BMPR1A: variants seen among roughly 807,000 people sequenced by gnomAD.
BMPR1A encodes the protein bone morphogenetic protein receptor type 1A, also known as bone morphogenetic protein receptor type-1A.
Under a neutral mutation model 66.0 loss-of-function variants are expected in BMPR1A, and 7 were observed. The ratio of observed to expected loss-of-function variants is 0.11; its 90% confidence interval spans 0.06 to 0.20. The LOEUF is 0.20. Among genes scored for constraint, BMPR1A ranks in the 10% least tolerant of loss-of-function variants. The probability of loss-of-function intolerance (pLI) is 1.00; values close to 1 mark genes in which losing one functional copy is unlikely to be tolerated. For synonymous variants in BMPR1A, 200 were observed against 229.7 expected, an observed-to-expected ratio of 0.87 and a Z score of 1.17; for missense variants, 408 against 669.1, an observed-to-expected ratio of 0.61 and a Z score of 4.31.
At position 86,833,497 on chromosome 10, in the gene BMPR1A, T is replaced by C. The variant is rs184890098; in HGVS notation, c.-267-5368T>C. Among the ~76,000 whole-genome samples, 36 of 152,262 alleles carry C rather than the reference T, an allele frequency of 2.4e-4. No individual in the cohort carries two copies. In the East Asian group the frequency reaches 5.8e-3, roughly 24 times the overall value. The stretch of plus-strand genomic sequence containing the variant: ...AGCATTTAGTAACTCCTGAGTATAA[T>C]AGATGAAGCAGAGGGAGGTGGGGCT... On this transcript the variant is annotated intron_variant, in intron 1 of 12. Coordinates refer to ENST00000372037, the MANE Select transcript of BMPR1A (RefSeq NM_004329.3).
At chr10:86,821,305 A>G (rs1842117035) in intron 1 of BMPR1A, among the ~76,000 whole-genome samples, 1 of 152,214 alleles carries the variant, frequency 6.6e-6, no homozygotes, top group Admixed American at 6.5e-5. Flanking sequence ...GGTTGCTGTA[A>G]GTATTAAGTG....
At chr10:86,913,180 A>C (rs1432206327) in intron 8 of BMPR1A, among the ~76,000 whole-genome samples, 1 of 152,008 alleles carries the variant, frequency 6.6e-6, no homozygotes, top group Non-Finnish European at 1.5e-5. Context: ...GCTGGAGTGC[A>C]GTGGCCCAGT....
At chr10:86,866,893 C>T (rs1375227568) in intron 2 of BMPR1A, among the ~76,000 whole-genome samples, 1 of 152,138 alleles carries the variant, frequency 6.6e-6, no homozygotes, top group Non-Finnish European at 1.5e-5. Context: ...TTGAACCTAT[C>T]TTTTCTCTGT....
chr10:86,911,748 T>C (rs1843489381), intron 7 of BMPR1A, among the ~76,000 whole-genome samples: 1 of 151,458 alleles, frequency 6.6e-6, no homozygotes, highest in Non-Finnish European at 1.5e-5. Context: ...AGATTCTATC[T>C]CAAAAAATAA....
chr10:86,848,931 A>G (rs568405825), intron 2 of BMPR1A, among the ~76,000 whole-genome samples: 12 of 152,084 alleles, frequency 7.9e-5, no homozygotes, highest in Non-Finnish European at 1.8e-4. Flanking sequence ...CCCTATTCTC[A>G]TTGCCTCTTG....
chr10:86,814,216 C>T (rs1842005521), intron 1 of BMPR1A, among the ~76,000 whole-genome samples: 1 of 152,082 alleles, frequency 6.6e-6, no homozygotes, highest in South Asian at 2.1e-4. Flanking sequence ...TCCAGGCTGG[C>T]CTCTAATTCC....
chr10:86,930,587 C>T (rs1189585441), downstream of BMPR1A: 6 of 152,226 alleles, frequency 3.9e-5, no homozygotes, highest in Admixed American at 3.9e-4. Context: ...CCATAATCTC[C>T]TTTTGACATA....
intron 1 of BMPR1A, among the ~76,000 whole-genome samples, chr10:86,787,284 T>G (rs1047191230): frequency 1.3e-5 from 2 of 152,208 alleles, no homozygotes; most frequent in African/African-American, 2.4e-5. Flanking sequence ...TAATTACTGT[T>G]TGGATACTTG....
intron 7 of BMPR1A, 37 bp downstream of exon 7, chr10:86,900,163 C>A: frequency 6.3e-7 from 1 of 1,590,576 alleles, no homozygotes; most frequent in South Asian, 1.1e-5. Flanking sequence ...AATATTTTGT[C>A]AAATATTAGA....
rs911821890 is a variant in BMPR1A, at chr10:86,855,971, G to T, written c.-153+16992G>T. ...GCATAACTATTTCTTTTCCAGAATG[G>T]CCACTTTGCCCTTCCTTTAGCAGTT... On this transcript the variant is annotated intron_variant, in intron 2 of 12. Transcript: ENST00000372037. 34 of 622,500 alleles carry T rather than the reference G, an allele frequency of 5.5e-5. No individual in the cohort carries two copies. In the African/African-American group the frequency reaches 6.1e-4, roughly 11 times the overall value. 38.6% of individuals were successfully genotyped at this position (622,500 alleles called of 1,614,324 possible). A position where few individuals can be genotyped will look rare whatever the true frequency, so the allele number is the denominator to read the frequency against.
chr10:86,820,188 TTA>T (rs371960313), intron 1 of BMPR1A, among the ~76,000 whole-genome samples: 1 of 152,036 alleles, frequency 6.6e-6, no homozygotes, highest in African/African-American at 2.4e-5. Flanking sequence ...GACTACAGGA[TTA>T]TGCCCCCATG....
rs547039886 is a variant in BMPR1A at position 86,891,995 on chromosome 10, T to C, written c.231-132T>C. On this transcript the variant is annotated intron_variant, in intron 4 of 12. Transcript: ENST00000372037. ...CCTCTGGCGTTGCCAATAAATCACG[T>C]GTGAATGCAATTCTAAGTCACAAAA... is the stretch of plus-strand genomic sequence containing the variant. 1.5e-5 allele frequency: 11 copies of C among 718,438 alleles called. No individual in the cohort carries two copies. In the East Asian group the frequency reaches 3.1e-4, roughly 20 times the overall value. The allele number at this position is 718,438 out of a possible 1,614,324, so 44.5% of individuals were successfully genotyped here.
At chr10:86,792,639 A>G (rs747431760) in intron 1 of BMPR1A, among the ~76,000 whole-genome samples, 2 of 152,164 alleles carry the variant, frequency 1.3e-5, no homozygotes, top group East Asian at 1.9e-4. Flanking sequence ...CTATAAAACA[A>G]ACAAACAAAC....
intron 5 of BMPR1A, among the ~76,000 whole-genome samples, chr10:86,894,848 C>CA (rs1231312802): frequency 6.6e-6 from 1 of 152,204 alleles, no homozygotes; most frequent in Non-Finnish European, 1.5e-5. Flanking sequence ...TGGGTACACT[C>CA]AGACTGTGTT....
At chr10:86,850,453 C>T (rs1842551710) in intron 2 of BMPR1A, among the ~76,000 whole-genome samples, 1 of 152,046 alleles carries the variant, frequency 6.6e-6, no homozygotes, top group South Asian at 2.1e-4. Flanking sequence ...CGCATGTCAC[C>T]TGGGGGTCTT....
In BMPR1A at chr10:86,927,013, T is replaced by C. The variant is rs1843756347; in HGVS notation, c.*3294T>C. On this transcript the variant is annotated 3_prime_UTR_variant, in exon 13 of 13. Coordinates refer to ENST00000372037, the MANE Select transcript of BMPR1A (RefSeq NM_004329.3). ...TTTGGAAATATTTTCACAAAAGTTATTTTAATCAGTATTTTTACATTGCCT... is the reference window on the plus strand; with the variant it reads ...TTTGGAAATATTTTCACAAAAGTTACTTTAATCAGTATTTTTACATTGCCT... 5.3e-6 allele frequency: 1 copy of C among 187,470 alleles called. No homozygotes were observed. Among genetic ancestry groups the C allele is most frequent in the Non-Finnish European group, 1.1e-5 (1 of 88,966 alleles). The allele number at this position is 187,470 out of a possible 1,614,324, so 11.6% of individuals were successfully genotyped here.
At chr10:86,903,704 C>G (rs1478394166) in intron 7 of BMPR1A, among the ~76,000 whole-genome samples, 1 of 149,692 alleles carries the variant, frequency 6.7e-6, no homozygotes, top group Admixed American at 6.7e-5. Flanking sequence ...CTCCACCTCC[C>G]GGGTTTACGC....
intron 1 of BMPR1A, among the ~76,000 whole-genome samples, chr10:86,837,979 C>T (rs1238696539): frequency 6.6e-6 from 1 of 152,174 alleles, no homozygotes; most frequent in African/African-American, 2.4e-5. Flanking sequence ...TCTAAATGGA[C>T]TTGAAGACAA....
chr10:86,840,066 T>G (rs1033184824), intron 2 of BMPR1A, among the ~76,000 whole-genome samples: 1 of 152,222 alleles, frequency 6.6e-6, no homozygotes, highest in Non-Finnish European at 1.5e-5. Flanking sequence ...GAAGCCATCC[T>G]AAGACAGTAT....
Sources: gnomAD v4.1 joint callset for allele counts (sites outside exome capture counted in the v4.1 genomes callset) on GRCh38, gnomAD v4.1.1 for gene constraint, MANE v1.5 for transcripts, NCBI Gene and HGNC (gene_info 2026-07-23, HGNC 2026-07-21) for gene names.